HERC2: variants seen among roughly 807,000 people sequenced by gnomAD.
The protein encoded by HERC2 is HECT and RLD domain containing E3 ubiquitin protein ligase 2.
Under a neutral mutation model 537.7 loss-of-function variants are expected in HERC2, and 102 were observed. That is an observed-to-expected ratio of 0.19 (90% CI 0.16 to 0.22). HERC2 has a LOEUF of 0.22. Among genes scored for constraint, HERC2 ranks in the 10% least tolerant of loss-of-function variants. The pLI is 1.00. For synonymous variants in HERC2, 2,224 were observed against 2,466.2 expected, an observed-to-expected ratio of 0.90 and a Z score of 2.91; for missense variants, 4,236 against 6,198.2, an observed-to-expected ratio of 0.68 and a Z score of 10.63.
chr15:28,135,838 A>T, intron 78 of HERC2, 146 bp from the exon 79 acceptor site: 1 of 632,054 alleles, frequency 1.6e-6, no homozygotes, highest in Non-Finnish European at 2.7e-6. Flanking sequence ...ATATAAGTTT[A>T]TGCCTTTATA....
chr15:28,265,074 G>C lies in HERC2; in HGVS notation c.1870+544C>G, dbSNP rs1189117410. On this transcript the variant is annotated intron_variant, in intron 14 of 92. Coordinates refer to ENST00000261609, the MANE Select transcript of HERC2 (RefSeq NM_004667.6). This position sits in a 1 kb window ranked among gnomAD's most constrained non-coding sequence, Gnocchi z 4.0. ...GATTATAACGGAAAGACTCCACAACGCCAGAGACACACAAGATGCCAAGGA... is the reference window on the plus strand; with the variant it reads ...GATTATAACGGAAAGACTCCACAACCCCAGAGACACACAAGATGCCAAGGA... Among the ~76,000 whole-genome samples the C allele has an allele frequency of 6.6e-6, 1 of 152,070 alleles. No individual in the cohort carries two copies. The highest frequency in any genetic ancestry group is 2.4e-5 in the African/African-American group (1 of 41,408).
chr15:28,284,588 G>C (rs1459726039), intron 4 of HERC2, among the ~76,000 whole-genome samples: 1 of 151,980 alleles, frequency 6.6e-6, no homozygotes, highest in Non-Finnish European at 1.5e-5. Flanking sequence ...GCAGAAGTTG[G>C]CTACATTTAT....
At chr15:28,223,789 C>T (rs113370191) in intron 35 of HERC2, among the ~76,000 whole-genome samples, 1,685 of 152,072 alleles carry the variant, frequency 0.011, 33 homozygotes, top group African/African-American at 0.037. Flanking sequence ...CAGGGCAGGC[C>T]GCAAATATAG....
rs2075297957 is a variant in HERC2, at chr15:28,257,501, A to C, written c.2317-240T>G. Among the ~76,000 whole-genome samples the C allele has an allele frequency of 2.0e-5, 3 of 152,170 alleles. No individual in the cohort carries two copies. In the South Asian group the frequency reaches 6.2e-4, roughly 32 times the overall value. The stretch of plus-strand genomic sequence containing the variant: ...CTAAAAAAGTAAAAGCATTTTTAAC[A>C]ATCTTTTCACTCTCAAAACGATTAA... On this transcript the variant is annotated intron_variant, in intron 16 of 92. Transcript: ENST00000261609.
Position 28,130,537 on chromosome 15 carries a change from C to G in HERC2, c.12628G>C (p.Val4210Leu), listed in dbSNP as rs1289787329. The G allele has an allele frequency of 6.2e-7, 1 of 1,614,018 alleles. No homozygotes were observed. The highest frequency in any genetic ancestry group is 1.3e-5 in the African/African-American group (1 of 74,920). The change falls in exon 82 of 93, where the codon GTT becomes CTT. Residue 4210 changes from valine to leucine, a missense_variant. Coordinates refer to ENST00000261609, the MANE Select transcript of HERC2 (RefSeq NM_004667.6). Reference sequence around the variant, plus strand: ...ACAGCTCCAGATTTGGTAAGGGCAACAGAAAACTGGGATCCGCATTCCACT... The same window carrying G: ...ACAGCTCCAGATTTGGTAAGGGCAAGAGAAAACTGGGATCCGCATTCCACT... ...VKVECGSQFS[V>L]ALTKSGAVYT...
chr15:28,112,774 G>A (rs1217985819), intron 92 of HERC2, among the ~76,000 whole-genome samples: 1 of 152,168 alleles, frequency 6.6e-6, no homozygotes, highest in Admixed American at 6.5e-5. Flanking sequence ...CACCTAATTC[G>A]ACCAGATAAC....
intron 31 of HERC2, among the ~76,000 whole-genome samples, 164 bp downstream of exon 31, chr15:28,230,203 C>A (rs1596288490): frequency 6.6e-6 from 1 of 151,756 alleles, no homozygotes; most frequent in African/African-American, 2.4e-5. Context: ...CCAGCTACAG[C>A]TCTGACCAGG....
intron 69 of HERC2, among the ~76,000 whole-genome samples, chr15:28,159,431 C>T (rs1893345460): frequency 6.6e-6 from 1 of 152,112 alleles, no homozygotes; most frequent in Non-Finnish European, 1.5e-5. Flanking sequence ...AGGTTTTGTT[C>T]ATTTCTTTTT....
intron 3 of HERC2, 59 bp downstream of exon 3, chr15:28,299,343 A>G (rs1021985746): frequency 1.5e-6 from 1 of 659,616 alleles, no homozygotes; most frequent in African/African-American, 1.8e-5. Flanking sequence ...CAAAATTTCT[A>G]TAAAATGCAT....
intron 21 of HERC2, among the ~76,000 whole-genome samples, chr15:28,248,322 T>C (rs934980034): frequency 1.3e-5 from 2 of 152,186 alleles, no homozygotes; most frequent in Non-Finnish European, 2.9e-5. Flanking sequence ...CAGGATGCTA[T>C]TACTGATGTC....
In HERC2 at chr15:28,132,127, G is replaced by A. The variant is rs966439848; in HGVS notation, c.12543C>T (p.Gly4181=). 3 of 1,611,548 alleles carry A rather than the reference G, an allele frequency of 1.9e-6. No homozygotes were observed. The highest frequency in any genetic ancestry group is 2.5e-6 in the Non-Finnish European group (3 of 1,178,350). ...DGDYGKLGRG[G]SDGCKVPMKI... is the part of the protein sequence containing the mutation. ...TCATAGGCACTTTACAGCCATCGCT[G>A]CCTCCCCGGCCGAGCTTGCCGTAGT... The change falls in exon 81 of 93, where the codon GGC becomes GGT. Residue 4181 remains glycine, a synonymous_variant. Coordinates refer to ENST00000261609, the MANE Select transcript of HERC2 (RefSeq NM_004667.6).
At position 28,113,185 on chromosome 15, in the gene HERC2, C is replaced by T. The variant is rs137918449; in HGVS notation, c.14118G>A (p.Glu4706=). 2.4e-3 allele frequency: 3,829 copies of T among 1,614,122 alleles called. 36 individuals carry two copies. Among genetic ancestry groups the T allele is most frequent in the South Asian group, 0.01 (951 of 91,076 alleles). Residue 4706 remains glutamate (E), a synonymous_variant, in exon 92 of 93, where the codon GAG becomes GAA. Coordinates refer to ENST00000261609, the MANE Select transcript of HERC2 (RefSeq NM_004667.6). This position sits in a 1 kb window ranked among gnomAD's most constrained non-coding sequence, Gnocchi z 7.0. ...PSASLIQWFW[E]VMESFSNTER... The stretch of plus-strand genomic sequence containing the variant: ...CTGTGTTGGAGAAGGACTCCATCAC[C>T]TCCCAGAACCACTGGATCAGCGATG...
At chr15:28,127,606 C>T (rs1157704768) in intron 83 of HERC2, among the ~76,000 whole-genome samples, 2 of 152,194 alleles carry the variant, frequency 1.3e-5, no homozygotes, top group Non-Finnish European at 2.9e-5. Context: ...CACCCATCAT[C>T]CAGACCTTGT....
At chr15:28,175,206 G>C (rs1432903528) in intron 64 of HERC2, among the ~76,000 whole-genome samples, 1 of 137,360 alleles carries the variant, frequency 7.3e-6, no homozygotes, top group Admixed American at 6.9e-5. Flanking sequence ...TTCTCTAAAG[G>C]AAAGTCTTGC....
chr15:28,165,438 C>T (rs1485313424), intron 68 of HERC2, among the ~76,000 whole-genome samples: 1 of 152,104 alleles, frequency 6.6e-6, no homozygotes, highest in Admixed American at 6.5e-5. Flanking sequence ...AGTTGGGTTA[C>T]AATCAATCAT....
intron 26 of HERC2, among the ~76,000 whole-genome samples, chr15:28,236,626 C>T (rs1324170207): frequency 6.6e-6 from 1 of 151,770 alleles, no homozygotes; most frequent in Non-Finnish European, 1.5e-5. Flanking sequence ...CTTGCTCTGT[C>T]ACCCAGGCTG....
chr15:28,293,128 G>C, intron 3 of HERC2, 106 bp from the exon 4 acceptor site: 1 of 910,698 alleles, frequency 1.1e-6, no homozygotes, highest in South Asian at 1.7e-5. Context: ...ATCATTAACT[G>C]AATGTTGGAC....
At chr15:28,310,902 C>G (rs536271134) in intron 2 of HERC2, among the ~76,000 whole-genome samples, 5 of 151,688 alleles carry the variant, frequency 3.3e-5, no homozygotes, top group Non-Finnish European at 7.4e-5. Context: ...ACAGCGAAAC[C>G]CCATCTCTAC....
At chr15:28,112,166 A>G (rs866460177) in intron 92 of HERC2, 131 bp from the exon 93 acceptor site, 3 of 856,428 alleles carry the variant, frequency 3.5e-6, no homozygotes, top group Non-Finnish European at 5.4e-6. Flanking sequence ...AACATAATCC[A>G]AACAACTTTA....
Sources: allele counts gnomAD v4.1 joint callset (sites outside exome capture counted in the v4.1 genomes callset), GRCh38; gene constraint gnomAD v4.1.1; non-coding constraint Gnocchi (gnomAD v3.1); transcripts MANE v1.5; gene names NCBI Gene and HGNC (gene_info 2026-07-23, HGNC 2026-07-21).